Variants in RGSL1 observed in about 807,000 individuals in gnomAD.
RGSL1 encodes the protein regulator of G protein signaling like 1, also known as regulator of G protein signaling protein-like.
RGSL1 carries 97 observed loss-of-function variants against 124.7 expected under a neutral mutation model. The observed-to-expected ratio is 0.78, with a 90% CI of 0.66 to 0.92. The LOEUF is 0.92. RGSL1 is among the 40% of genes least tolerant of loss of function. The pLI, the probability that RGSL1 is intolerant of heterozygous loss-of-function variation, is 0.00. For missense variants in RGSL1, 1,233 were observed against 1,288.4 expected (o/e 0.96, Z 0.66); for synonymous variants, 424 against 438.1 (o/e 0.97, Z 0.40).
intron 7 of RGSL1, chr1:182,488,658 G>A (rs889972590): frequency 3.2e-5 from 11 of 340,040 alleles, no homozygotes; most frequent in African/African-American, 4.5e-5. Flanking sequence ...CCCGGGAGGC[G>A]GAGCTTGCAG....
Position 182,522,084 on chromosome 1 carries a change from G to T in RGSL1, c.1906G>T (p.Val636Leu). 6.5e-7 allele frequency: 1 copy of T among 1,550,092 alleles called. No individual in the cohort carries two copies. Among genetic ancestry groups the T allele is most frequent in the African/African-American group, 1.4e-5 (1 of 73,050 alleles). Residue 636 changes from valine (V) to leucine (L), a missense_variant, in exon 10 of 22, where the codon GTA becomes TTA. Physicochemically the swap from Val to Leu is conservative, Grantham distance 32. Coordinates refer to ENST00000294854, the MANE Select transcript of RGSL1 (RefSeq NM_001137669.2). The part of the protein sequence containing the change: ...RKMSLLKRTL[V>L]RKPSMRPRNL... ...AATGTCCTTGCTCAAAAGAACTCTT[G>T]TAAGGAAGCCATCAATGAGACCCAG...
rs777449126 is a variant in RGSL1 at position 182,489,042 on chromosome 1, C to G, written c.1557C>G (p.Asn519Lys). Reference sequence around the variant, plus strand: ...GAGAATTTATAGGCAAAGAAGAGAACATTCTTCTTTATAAGAGGATTCAGC... The same window carrying G: ...GAGAATTTATAGGCAAAGAAGAGAAGATTCTTCTTTATAAGAGGATTCAGC... ...HKREFIGKEE[N>K]ILLYKRIQQS... Residue 519 changes from asparagine to lysine, a missense_variant, in exon 8 of 22, where the codon AAC becomes AAG. Physicochemically the swap from Asn to Lys is moderately conservative, Grantham distance 94. Coordinates refer to ENST00000294854, the MANE Select transcript of RGSL1 (RefSeq NM_001137669.2). The G allele has an allele frequency of 6.4e-7, 1 of 1,551,496 alleles. No homozygotes were observed. The highest frequency in any genetic ancestry group is 8.7e-7 in the Non-Finnish European group (1 of 1,146,984).
At chr1:182,453,875 G>T in intron 1 of RGSL1, 83 bp from the exon 2 acceptor site, 1 of 740,000 alleles carries the variant, frequency 1.4e-6, no homozygotes, top group Non-Finnish European at 2.4e-6. Flanking sequence ...AACGTGAAAT[G>T]ATCCATTCGA....
chr1:182,489,889 T>C (rs1426008950), intron 8 of RGSL1, among the ~76,000 whole-genome samples: 2 of 152,236 alleles, frequency 1.3e-5, no homozygotes, highest in Non-Finnish European at 2.9e-5. Context: ...TTCAATACTG[T>C]AAATGTTAGT....
chr1:182,555,528 C>T (rs1414063056), intron 20 of RGSL1: 1 of 158,550 alleles, frequency 6.3e-6, no homozygotes, highest in Non-Finnish European at 1.4e-5. Context: ...CTGCTTCAGC[C>T]TAACTCACTT....
chr1:182,521,096 GTCTT>G (rs1658299604), intron 9 of RGSL1, among the ~76,000 whole-genome samples: 1 of 152,120 alleles, frequency 6.6e-6, no homozygotes, highest in Non-Finnish European at 1.5e-5. Flanking sequence ...TATAAACAGA[GTCTT>G]ACTCTGTTGA....
intron 1 of RGSL1, chr1:182,453,519 G>T (rs1652019431): frequency 6.4e-6 from 1 of 156,062 alleles, no homozygotes; most frequent in Admixed American, 6.3e-5. Context: ...GGAATGGGTT[G>T]AAGAATTGCC....
In RGSL1 at chr1:182,548,707, T is replaced by C; in HGVS notation, c.2816T>C (p.Val939Ala). The C allele has an allele frequency of 6.4e-7, 1 of 1,551,578 alleles. No homozygotes were observed. The highest frequency in any genetic ancestry group is 1.2e-5 in the South Asian group (1 of 84,044). The change falls in exon 17 of 22, where the codon GTC (valine) becomes GCC (alanine). Residue 939 changes from valine (V) to alanine (A), a missense_variant. Coordinates refer to ENST00000294854, the MANE Select transcript of RGSL1 (RefSeq NM_001137669.2). ...CTCCCACTCTGTGGGTAGGTGAATG[T>C]CCCTGAGTTCCAGAAGGATGCCATC... Reference protein sequence around the residue: ...SDIPPKLRVNVPEFQKDAILA... With the variant: ...SDIPPKLRVNAPEFQKDAILA...
At chr1:182,464,280 A>G (rs1653088034) in intron 4 of RGSL1, among the ~76,000 whole-genome samples, 1 of 152,242 alleles carries the variant, frequency 6.6e-6, no homozygotes, top group South Asian at 2.1e-4. Context: ...GGCTCTAGAA[A>G]AAGAACAGCA....
intron 16 of RGSL1, 56 bp from the exon 17 acceptor site, chr1:182,548,644 G>T (rs1208494929): frequency 6.5e-7 from 1 of 1,545,020 alleles, no homozygotes; most frequent in Non-Finnish European, 8.7e-7. Context: ...GCCAGGAGAG[G>T]TTTTCTGCCT....
At chr1:182,517,365 A>G (rs1459572089) in intron 9 of RGSL1, among the ~76,000 whole-genome samples, 2 of 150,470 alleles carry the variant, frequency 1.3e-5, no homozygotes, top group African/African-American at 4.9e-5. Context: ...TATTTGGGTC[A>G]AATCTGTTTG....
chr1:182,511,392 G>C (rs542542854), intron 9 of RGSL1, among the ~76,000 whole-genome samples: 4 of 152,120 alleles, frequency 2.6e-5, no homozygotes, highest in Non-Finnish European at 5.9e-5. Context: ...TCAAACTCCC[G>C]ACCTCAGGTG....
At chr1:182,550,436 A>G (rs12130093) in intron 17 of RGSL1, 11,695 of 152,370 alleles carry the variant, frequency 0.077, 522 homozygotes, top group South Asian at 0.15. Context: ...CCAAAGTGCC[A>G]TAGAAAATAA....
intron 15 of RGSL1, among the ~76,000 whole-genome samples, chr1:182,547,141 A>G (rs1660261623): frequency 6.6e-6 from 1 of 152,252 alleles, no homozygotes; most frequent in South Asian, 2.1e-4. Context: ...GATATACAAA[A>G]AACAACTATG....
rs1571510050 is a variant in RGSL1 at position 182,472,600 on chromosome 1, A to T, written c.463+43A>T. The T allele has an allele frequency of 2.7e-6, 4 of 1,471,516 alleles. No individual in the cohort carries two copies. In the East Asian group the frequency reaches 1.0e-4, roughly 37 times the overall value. The allele number at this position is 1,471,516 out of a possible 1,614,324, so 91.2% of individuals were successfully genotyped here. On this transcript the variant is annotated intron_variant, in intron 5 of 21. Coordinates refer to ENST00000294854, the MANE Select transcript of RGSL1 (RefSeq NM_001137669.2). ...TCTTTTTGGGGGGATGCAACAAAAA[A>T]GTAAATCCAGTGTCTGATAATCCTC...
intron 9 of RGSL1, among the ~76,000 whole-genome samples, chr1:182,508,013 A>G (rs1196217297): frequency 6.6e-6 from 1 of 151,938 alleles, no homozygotes; most frequent in Non-Finnish European, 1.5e-5. Context: ...TTTTTTTGAT[A>G]TGTTGATTTT....
intron 8 of RGSL1, among the ~76,000 whole-genome samples, chr1:182,492,265 G>A (rs898917554): frequency 2.0e-5 from 3 of 152,120 alleles, no homozygotes; most frequent in South Asian, 2.1e-4. Flanking sequence ...CGGGAGTATC[G>A]CTAGAATCTA....
intron 21 of RGSL1, among the ~76,000 whole-genome samples, chr1:182,558,960 C>T (rs1037314994): frequency 9.2e-5 from 14 of 152,302 alleles, no homozygotes; most frequent in Middle Eastern, 3.4e-3. Context: ...CGACCATGGT[C>T]CTAGACCACC....
chr1:182,540,349 G>A lies in RGSL1; in HGVS notation c.2597G>A (p.Arg866His), dbSNP rs565665542. 460 of 1,551,236 alleles carry A rather than the reference G, an allele frequency of 3.0e-4. 3 individuals carry two copies. The Admixed American group carries it at 8.5e-3, about 29-fold the overall frequency. ...ENGEITLVKR[R>H]IFGHRIITVN... The stretch of plus-strand genomic sequence containing the variant: ...GGAGAAATAACCCTTGTAAAGCGTC[G>A]TATATTTGGCCACAGGATTATCACT... Residue 866 changes from arginine (R) to histidine (H), a missense_variant, in exon 15 of 22, where the codon CGT becomes CAT. By Grantham distance (29) the Arg-to-His change is conservative (BLOSUM62 0). Transcript: ENST00000294854.
Sources: allele counts gnomAD v4.1 joint callset (sites outside exome capture counted in the v4.1 genomes callset), GRCh38; gene constraint gnomAD v4.1.1; transcripts MANE v1.5; gene names NCBI Gene and HGNC (gene_info 2026-07-23, HGNC 2026-07-21).